Variants in RBFOX1 observed in about 807,000 individuals in gnomAD.
The protein encoded by RBFOX1 is RNA binding fox-1 homolog 1, also known as RNA binding protein fox-1 homolog 1.
Under a neutral mutation model 57.7 loss-of-function variants are expected in RBFOX1, and 8 were observed. That is an observed-to-expected ratio of 0.14 (90% CI 0.08 to 0.25). The LOEUF is 0.25. Ranked by LOEUF, RBFOX1 falls within the 10% of genes least tolerant of loss-of-function variation. RBFOX1 has a pLI of 1.00. For synonymous variants in RBFOX1, 326 were observed against 222.4 expected (o/e 1.47, Z -4.15); for missense variants, 611 against 548.5 (o/e 1.11, Z -1.14).
intron 2 of RBFOX1, among the ~76,000 whole-genome samples, chr16:6,360,533 CT>C (rs1401539216): frequency 6.6e-6 from 1 of 152,134 alleles, no homozygotes; most frequent in Non-Finnish European, 1.5e-5. Context: ...TTGAAAGTCT[CT>C]ACTCCTCTGT....
At chr16:5,823,325 G>T (rs17138715) in intron 3 of RBFOX1, among the ~76,000 whole-genome samples, 5,384 of 152,244 alleles carry the variant, frequency 0.035, 277 homozygotes, top group African/African-American at 0.12. Context: ...CTGAATACCA[G>T]ATGGCAAGTA....
chr16:7,257,114 G>C (rs1229139643), intron 4 of RBFOX1, among the ~76,000 whole-genome samples: 1 of 152,132 alleles, frequency 6.6e-6, no homozygotes, highest in Non-Finnish European at 1.5e-5. Context: ...TCAGTGAACA[G>C]TTGTGAAACT....
chr16:5,798,963 C>G (rs1014404690), intron 3 of RBFOX1, among the ~76,000 whole-genome samples: 1 of 152,140 alleles, frequency 6.6e-6, no homozygotes, highest in African/African-American at 2.4e-5. Context: ...GGGTGAGCCA[C>G]TCTGAAACTC....
At chr16:6,783,593 A>G (rs963601485) in intron 3 of RBFOX1, among the ~76,000 whole-genome samples, 1 of 151,960 alleles carries the variant, frequency 6.6e-6, no homozygotes, top group Non-Finnish European at 1.5e-5. Context: ...TGTCTTTTTT[A>G]CTGTCTTTCA....
At chr16:5,313,124 C>T (rs757330473) in intron 1 of RBFOX1, among the ~76,000 whole-genome samples, 4 of 152,152 alleles carry the variant, frequency 2.6e-5, no homozygotes, top group Non-Finnish European at 4.4e-5. Flanking sequence ...AGGTGGATAC[C>T]GTTGCCCCCA....
chr16:6,984,982 C>T (rs1281954769), intron 3 of RBFOX1, among the ~76,000 whole-genome samples: 1 of 152,086 alleles, frequency 6.6e-6, no homozygotes, highest in Non-Finnish European at 1.5e-5. Context: ...AGTGAAAAAT[C>T]AGGAGGGAGG....
intron 4 of RBFOX1, among the ~76,000 whole-genome samples, chr16:7,300,000 A>C (rs1337046480): frequency 6.6e-6 from 1 of 152,238 alleles, no homozygotes; most frequent in Non-Finnish European, 1.5e-5. Flanking sequence ...TTATGCAATA[A>C]GATTGGAAGG....
At chr16:7,646,914 G>T (rs750997897) in intron 11 of RBFOX1, among the ~76,000 whole-genome samples, 1 of 152,154 alleles carries the variant, frequency 6.6e-6, no homozygotes, top group Non-Finnish European at 1.5e-5. Flanking sequence ...TAAATACATT[G>T]AGTGCAGGGC....
chr16:6,203,684 A>C (rs1263413749), intron 1 of RBFOX1, among the ~76,000 whole-genome samples: 1 of 152,224 alleles, frequency 6.6e-6, no homozygotes, highest in Admixed American at 6.5e-5. Flanking sequence ...CAAACCCCCC[A>C]AACAGATGAT....
intron 14 of RBFOX1, among the ~76,000 whole-genome samples, chr16:7,702,795 T>G (rs2081193383): frequency 6.6e-6 from 1 of 152,224 alleles, no homozygotes; most frequent in Non-Finnish European, 1.5e-5. Flanking sequence ...AACTCATTGG[T>G]AATGATACCA....
intron 4 of RBFOX1, among the ~76,000 whole-genome samples, chr16:7,495,117 G>C (rs1234313701): frequency 6.6e-6 from 1 of 152,098 alleles, no homozygotes; most frequent in Admixed American, 6.5e-5. Flanking sequence ...ATTGCCTCCA[G>C]CTGCATCCAT....
At chr16:7,020,611 G>A (rs988239716) in intron 3 of RBFOX1, among the ~76,000 whole-genome samples, 3 of 152,190 alleles carry the variant, frequency 2.0e-5, no homozygotes, top group African/African-American at 4.8e-5. Context: ...GCAACCAGAA[G>A]ATCAGACATG....
chr16:7,258,333 GA>G (rs1363435529), intron 4 of RBFOX1, among the ~76,000 whole-genome samples: 1 of 152,144 alleles, frequency 6.6e-6, no homozygotes, highest in Non-Finnish European at 1.5e-5. Flanking sequence ...AAAATGATAA[GA>G]AATATTAATG....
chr16:6,881,431 T>A (rs1482214314), intron 3 of RBFOX1, among the ~76,000 whole-genome samples: 1 of 152,154 alleles, frequency 6.6e-6, no homozygotes, highest in Non-Finnish European at 1.5e-5. Context: ...TGGTTCCTTC[T>A]GAGGGCTGTG....
intron 2 of RBFOX1, among the ~76,000 whole-genome samples, chr16:6,328,284 G>A (rs998651790): frequency 2.6e-5 from 4 of 152,102 alleles, no homozygotes; most frequent in African/African-American, 9.7e-5. Flanking sequence ...GAGGGGAAAG[G>A]GTGGGAGGGG....
At chr16:6,459,906 C>T (rs561068914) in intron 2 of RBFOX1, among the ~76,000 whole-genome samples, 1 of 138,304 alleles carries the variant, frequency 7.2e-6, no homozygotes, top group African/African-American at 2.7e-5. Flanking sequence ...ATAGCTTGAA[C>T]CTGAGAGGCG....
chr16:7,339,481 C>G (rs796511434), intron 4 of RBFOX1, among the ~76,000 whole-genome samples: 6 of 152,166 alleles, frequency 3.9e-5, no homozygotes, highest in African/African-American at 1.2e-4. Context: ...TGCTCTGTAG[C>G]CCAGGCTGTA....
chr16:5,480,655 C>G (rs2069507464), intron 2 of RBFOX1, among the ~76,000 whole-genome samples: 1 of 152,196 alleles, frequency 6.6e-6, no homozygotes, highest in Non-Finnish European at 1.5e-5. Flanking sequence ...TGTGAGTGTG[C>G]ACATGTAGCC....
At chr16:6,813,164 C>T (rs147113922) in intron 3 of RBFOX1, among the ~76,000 whole-genome samples, 1 of 151,610 alleles carries the variant, frequency 6.6e-6, no homozygotes, top group Non-Finnish European at 1.5e-5. Flanking sequence ...AAATATCAGG[C>T]CACAATGACT....
Sources: gnomAD v4.1 joint callset for allele counts (sites outside exome capture counted in the v4.1 genomes callset) on GRCh38, gnomAD v4.1.1 for gene constraint, MANE v1.5 for transcripts, NCBI Gene and HGNC (gene_info 2026-07-23, HGNC 2026-07-21) for gene names.